The following TCEANC2 variants were observed in gnomAD, a reference collection of about 807,000 sequenced individuals.
TCEANC2 encodes the protein transcription elongation factor A N-terminal and central domain-containing protein 2.
In TCEANC2, 20 loss-of-function variants were observed where a neutral mutation model predicts 22.8. That is an observed-to-expected ratio of 0.88 (90% CI 0.62 to 1.28). TCEANC2 has a LOEUF of 1.28. TCEANC2 is among the 50% of genes most tolerant of loss of function. The pLI is 0.00. For missense variants in TCEANC2, 251 were observed against 249.7 expected (o/e 1.01, Z -0.03); for synonymous variants, 84 against 95.5 (o/e 0.88, Z 0.70).
rs940319441 is a variant in TCEANC2 at position 54,101,510 on chromosome 1, A to C, written c.*5037A>C. 1 of 152,220 alleles carries C rather than the reference A, an allele frequency of 6.6e-6. No homozygotes were observed. The highest frequency in any genetic ancestry group is 2.4e-5 in the African/African-American group (1 of 41,454). 9.4% of individuals were successfully genotyped at this position (152,220 alleles called of 1,614,324 possible). ...TAATGTTGATAAAATCATTCTTTCA[A>C]TACATATTTGTTGAGTTCTTACGTG... On this transcript the variant is annotated 3_prime_UTR_variant, in exon 5 of 5. Coordinates refer to ENST00000234827, the MANE Select transcript of TCEANC2 (RefSeq NM_153035.3).
intron 4 of TCEANC2, among the ~76,000 whole-genome samples, chr1:54,091,401 C>T (rs977321217): frequency 1.3e-5 from 2 of 152,202 alleles, no homozygotes; most frequent in African/African-American, 2.4e-5. Flanking sequence ...TGTACTTAAT[C>T]AGGCAGCAGT....
At chr1:54,107,379 T>C (rs1658774572), downstream of TCEANC2, among the ~76,000 whole-genome samples, 1 of 152,188 alleles carries the variant, frequency 6.6e-6, no homozygotes, top group South Asian at 2.1e-4. Flanking sequence ...TGACTGGTGA[T>C]GCTAGCCCTG....
At chr1:54,106,782 A>AGAT (rs1422590616), downstream of TCEANC2, among the ~76,000 whole-genome samples, 2 of 152,320 alleles carry the variant, frequency 1.3e-5, no homozygotes, top group Admixed American at 1.3e-4. Flanking sequence ...AGATGTGTAC[A>AGAT]GATATATACC....
chr1:54,094,536 C>T (rs1385525876), intron 4 of TCEANC2, among the ~76,000 whole-genome samples: 4 of 152,166 alleles, frequency 2.6e-5, no homozygotes, highest in Non-Finnish European at 5.9e-5. Context: ...GGTTGGGTTG[C>T]TTTGCCATGG....
chr1:54,086,033 C>T (rs542299960), intron 3 of TCEANC2, among the ~76,000 whole-genome samples: 14 of 152,238 alleles, frequency 9.2e-5, no homozygotes, highest in African/African-American at 3.4e-4. Flanking sequence ...TGCACCCAGG[C>T]GACTACTTTC....
intron 3 of TCEANC2, among the ~76,000 whole-genome samples, chr1:54,083,593 A>T (rs1658285296): frequency 6.6e-6 from 1 of 152,230 alleles, no homozygotes; most frequent in Non-Finnish European, 1.5e-5. Context: ...ATTATTTCTC[A>T]TACATAAAGC....
At chr1:54,064,692 CTTTTTT>C (rs67486092) in intron 2 of TCEANC2, among the ~76,000 whole-genome samples, 2 of 93,670 alleles carry the variant, frequency 2.1e-5, no homozygotes, top group African/African-American at 4.5e-5. Flanking sequence ...TGCATTTTTC[CTTTTTT>C]TTTTTTTTTT....
chr1:54,090,736 A>G (rs1658431265), intron 4 of TCEANC2, among the ~76,000 whole-genome samples: 1 of 152,200 alleles, frequency 6.6e-6, no homozygotes, highest in South Asian at 2.1e-4. Context: ...CGATTAGCCA[A>G]CAAGATTTAT....
chr1:54,088,764 T>A lies in TCEANC2; in HGVS notation c.412T>A (p.Leu138Ile). 1 of 1,595,126 alleles carries A rather than the reference T, an allele frequency of 6.3e-7. No individual in the cohort carries two copies. The highest frequency in any genetic ancestry group is 8.5e-7 in the Non-Finnish European group (1 of 1,170,218). ...GTCGTTGAGGAAAAATGCTCAGAAATTACTCTCAGAAGCCTTGGAATTAAA... is the reference window on the plus strand; with the variant it reads ...GTCGTTGAGGAAAAATGCTCAGAAAATACTCTCAGAAGCCTTGGAATTAAA... ...TESLRKNAQK[L>I]LSEALELKMD... The change falls in exon 4 of 5, where the codon TTA (leucine) becomes ATA (isoleucine). Residue 138 changes from leucine (L) to isoleucine (I), a missense_variant. Coordinates refer to ENST00000234827, the MANE Select transcript of TCEANC2 (RefSeq NM_153035.3).
chr1:54,086,220 T>C (rs530684959), intron 3 of TCEANC2, among the ~76,000 whole-genome samples: 32 of 152,312 alleles, frequency 2.1e-4, no homozygotes, highest in African/African-American at 6.5e-4. Flanking sequence ...CTGCTGGAGA[T>C]ACAAAGATGA....
intron 3 of TCEANC2, among the ~76,000 whole-genome samples, chr1:54,087,172 CTT>C (rs1358816293): frequency 2.0e-5 from 3 of 152,062 alleles, no homozygotes; most frequent in African/African-American, 7.2e-5. Context: ...ATATATGTAT[CTT>C]ATATTCTTCC....
chr1:54,058,683 G>A (rs1657797318), intron 2 of TCEANC2, among the ~76,000 whole-genome samples: 1 of 152,222 alleles, frequency 6.6e-6, no homozygotes, highest in African/African-American at 2.4e-5. Flanking sequence ...TTGACATGAA[G>A]TCTCACTCTG....
At position 54,067,841 on chromosome 1, in the gene TCEANC2, A is replaced by G. The variant is rs189259282; in HGVS notation, c.103-915A>G. On this transcript the variant is annotated intron_variant, in intron 2 of 4. Transcript: ENST00000234827. ...TAAACACACCAGCATCCAGATCAAA[A>G]AACAGTATTACCAGAATCCCAGAAT... is the stretch of plus-strand genomic sequence containing the variant. Among the ~76,000 whole-genome samples, 1,157 of 152,366 alleles carry G rather than the reference A, an allele frequency of 7.6e-3. 10 individuals are homozygous for G. Among genetic ancestry groups the G allele is most frequent in the Non-Finnish European group, 0.012 (837 of 68,032 alleles).
intron 4 of TCEANC2, among the ~76,000 whole-genome samples, chr1:54,093,860 T>C (rs926659307): frequency 1.3e-5 from 2 of 151,508 alleles, no homozygotes; most frequent in Admixed American, 6.6e-5. Context: ...TCATGCTAAG[T>C]GTATCTCTAA....
At position 54,068,739 on chromosome 1, in the gene TCEANC2, A is replaced by G. The variant is rs1270043110; in HGVS notation, c.103-17A>G. 1 of 1,582,760 alleles carries G rather than the reference A, an allele frequency of 6.3e-7. No homozygotes were observed. The highest frequency in any genetic ancestry group is 2.3e-5 in the East Asian group (1 of 44,368). On this transcript the variant is annotated splice_polypyrimidine_tract_variant and intron_variant, in intron 2 of 4. Transcript: ENST00000234827. ...ATGAAAATGTTCCATTTTCCAAATGACTTTTCTTTTTCCCAGAGAGTTGTG... is the reference window on the plus strand; with the variant it reads ...ATGAAAATGTTCCATTTTCCAAATGGCTTTTCTTTTTCCCAGAGAGTTGTG...
intron 4 of TCEANC2, among the ~76,000 whole-genome samples, chr1:54,089,046 G>T (rs1658393307): frequency 1.3e-5 from 2 of 152,126 alleles, no homozygotes; most frequent in South Asian, 4.2e-4. Context: ...GCAAGATCTG[G>T]GTTGAAACCC....
intron 3 of TCEANC2, among the ~76,000 whole-genome samples, chr1:54,070,778 A>G (rs1658041765): frequency 6.6e-6 from 1 of 152,198 alleles, no homozygotes. Context: ...ATAAGGGACA[A>G]ATATTTACTG....
intron 2 of TCEANC2, among the ~76,000 whole-genome samples, chr1:54,056,208 G>A (rs554787520): frequency 6.6e-6 from 1 of 152,304 alleles, no homozygotes; most frequent in South Asian, 2.1e-4. Flanking sequence ...TTCTCAATGA[G>A]GGATCATGTC....
intron 4 of TCEANC2, among the ~76,000 whole-genome samples, chr1:54,095,111 C>T (rs573209581): frequency 1.3e-5 from 2 of 152,336 alleles, no homozygotes; most frequent in East Asian, 1.9e-4. Flanking sequence ...CACCACTGCA[C>T]TCCAGCCCAG....
Sources: allele counts gnomAD v4.1 joint callset (sites outside exome capture counted in the v4.1 genomes callset), GRCh38; gene constraint gnomAD v4.1.1; transcripts MANE v1.5; gene names NCBI Gene and HGNC (gene_info 2026-07-23, HGNC 2026-07-21).